The following ST8SIA4 variants were observed in gnomAD, a reference collection of about 807,000 sequenced individuals.
ST8SIA4 encodes ST8 alpha-N-acetyl-neuraminide alpha-2,8-sialyltransferase 4.
In ST8SIA4, 15 loss-of-function variants were observed where a neutral mutation model predicts 33.9. The ratio of observed to expected loss-of-function variants is 0.44; its 90% CI spans 0.30 to 0.68. ST8SIA4 has a LOEUF of 0.68. ST8SIA4 is among the 30% of genes least tolerant of loss of function. ST8SIA4 has a pLI of 0.10. For synonymous variants in ST8SIA4, 171 were observed against 151.2 expected, an observed-to-expected ratio of 1.13 and a Z score of -0.96; for missense variants, 321 against 428.0, an observed-to-expected ratio of 0.75 and a Z score of 2.21.
At chr5:100,834,921 C>A (rs1197538633) in intron 4 of ST8SIA4, among the ~76,000 whole-genome samples, 2 of 152,020 alleles carry the variant, frequency 1.3e-5, no homozygotes, top group African/African-American at 2.4e-5. Flanking sequence ...TATAAATTAC[C>A]CAGCCTCAGT....
At chr5:100,823,671 CA>C (rs1277993375) in intron 4 of ST8SIA4, among the ~76,000 whole-genome samples, 2 of 152,058 alleles carry the variant, frequency 1.3e-5, no homozygotes, top group Non-Finnish European at 2.9e-5. Context: ...AATGAAGAAA[CA>C]AAAAACTCCA....
At position 100,856,205 on chromosome 5, in the gene ST8SIA4, CCTT is replaced by C; in HGVS notation, c.692_694del (p.Lys231_Gly232delinsArg). 6.2e-7 allele frequency: 1 copy of C among 1,614,128 alleles called. No individual in the cohort carries two copies. Among genetic ancestry groups the C allele is most frequent in the Non-Finnish European group, 8.5e-7 (1 of 1,179,986 alleles). The stretch of plus-strand genomic sequence containing the variant: ...AACCCACTCCACGTGCTTCTCTCCT[CCTT>C]TGACCATGAAAGCAGGAATCCAAAG... On this transcript the variant is annotated inframe_deletion, in exon 4 of 5. Coordinates refer to ENST00000231461, the MANE Select transcript of ST8SIA4 (RefSeq NM_005668.6).
rs1486716772 is a variant in ST8SIA4 at position 100,810,262 on chromosome 5, T to A, written c.*1585A>T. 1 of 152,220 alleles carries A rather than the reference T, an allele frequency of 6.6e-6. No homozygotes were observed. Among genetic ancestry groups the A allele is most frequent in the Non-Finnish European group, 1.5e-5 (1 of 68,026 alleles). The allele number at this position is 152,220 out of a possible 1,614,324, so 9.4% of individuals were successfully genotyped here. On this transcript the variant is annotated 3_prime_UTR_variant, in exon 5 of 5. Transcript: ENST00000231461. ...TGAAGAACATATGTGATATTGTGACTAAATTTAACTACAGAAAATATCGGT... is the reference window on the plus strand; with the variant it reads ...TGAAGAACATATGTGATATTGTGACAAAATTTAACTACAGAAAATATCGGT...
chr5:100,855,524 C>A (rs1751795520), intron 4 of ST8SIA4, among the ~76,000 whole-genome samples: 1 of 152,266 alleles, frequency 6.6e-6, no homozygotes, highest in South Asian at 2.1e-4. Flanking sequence ...GCCTTTTGGT[C>A]ATTTGCCACT....
In ST8SIA4 at chr5:100,895,668, C is replaced by A; in HGVS notation, c.231G>T (p.Leu77Phe). 1 of 1,610,480 alleles carries A rather than the reference C, an allele frequency of 6.2e-7. No individual in the cohort carries two copies. Among genetic ancestry groups the A allele is most frequent in the South Asian group, 1.1e-5 (1 of 90,486 alleles). ...AAGAAACTCACCTTATCTCTAGGAC[C>A]AAAGAGGAATTGATTTTCCAACCTT... Reference protein sequence around the residue: ...NVEGWKINSSLVLEIRKNILR... With the variant: ...NVEGWKINSSFVLEIRKNILR... Residue 77 changes from leucine to phenylalanine, a missense_variant, in exon 2 of 5, where the codon TTG becomes TTT. Physicochemically the swap from Leu to Phe is conservative, Grantham distance 22 (BLOSUM62 0). Coordinates refer to ENST00000231461, the MANE Select transcript of ST8SIA4 (RefSeq NM_005668.6).
intron 1 of ST8SIA4, among the ~76,000 whole-genome samples, chr5:100,902,601 A>G (rs150866565): frequency 2.6e-5 from 4 of 152,286 alleles, no homozygotes; most frequent in African/African-American, 9.6e-5. Context: ...TTGGCGAGAG[A>G]GCACCCAGGG....
chr5:100,839,113 C>T (rs1751422052), intron 4 of ST8SIA4, among the ~76,000 whole-genome samples: 1 of 151,924 alleles, frequency 6.6e-6, no homozygotes, highest in Admixed American at 6.6e-5. Flanking sequence ...CAGGCATGAG[C>T]CACCACACCC....
chr5:100,902,198 A>C (rs1272085516), intron 1 of ST8SIA4, among the ~76,000 whole-genome samples: 1 of 152,234 alleles, frequency 6.6e-6, no homozygotes, highest in Non-Finnish European at 1.5e-5. Context: ...CAAACTAAAA[A>C]AAATAGCAGA....
At chr5:100,856,435 A>G (rs1751815268) in intron 3 of ST8SIA4, 39 bp from the exon 4 acceptor site, 1 of 1,546,192 alleles carries the variant, frequency 6.5e-7, no homozygotes, top group African/African-American at 1.4e-5. Flanking sequence ...TGAAAAAAAA[A>G]GAAATATTCA....
At position 100,825,062 on chromosome 5, in the gene ST8SIA4, A is replaced by G. The variant is rs79782825; in HGVS notation, c.798-12933T>C. On this transcript the variant is annotated intron_variant, in intron 4 of 4. Transcript: ENST00000231461. ...GGTGACAGTATGAGACTATCTCTAAAAAAGTAATAAAAATAAGAGATTTTA... is the reference window on the plus strand; with the variant it reads ...GGTGACAGTATGAGACTATCTCTAAGAAAGTAATAAAAATAAGAGATTTTA... Among the ~76,000 whole-genome samples the G allele has an allele frequency of 9.7e-3, 1,475 of 152,268 alleles. 20 individuals are homozygous for G. Among genetic ancestry groups the G allele is most frequent in the African/African-American group, 0.034 (1,415 of 41,540 alleles).
intron 3 of ST8SIA4, among the ~76,000 whole-genome samples, chr5:100,876,364 C>A (rs766145890): frequency 6.6e-6 from 1 of 152,062 alleles, no homozygotes; most frequent in Admixed American, 6.6e-5. Flanking sequence ...TTTCCTCAAG[C>A]AGGTGAGAAA....
intron 3 of ST8SIA4, among the ~76,000 whole-genome samples, chr5:100,883,380 T>A (rs1752470140): frequency 1.3e-5 from 2 of 152,216 alleles, no homozygotes; most frequent in Admixed American, 6.5e-5. Flanking sequence ...TCCCATTGTA[T>A]CTAAGCAGTA....
intron 4 of ST8SIA4, among the ~76,000 whole-genome samples, chr5:100,854,595 A>C (rs557418178): frequency 1.3e-5 from 2 of 150,172 alleles, no homozygotes; most frequent in Non-Finnish European, 2.9e-5. Context: ...AAAACAAAAC[A>C]AAACAAAACA....
chr5:100,812,231 A>C, intron 4 of ST8SIA4, 102 bp from the exon 5 acceptor site: 1 of 892,400 alleles, frequency 1.1e-6, no homozygotes. Context: ...AGGTATCTTT[A>C]TGAATAATAT....
chr5:100,821,917 A>C (rs1331306951), intron 4 of ST8SIA4, among the ~76,000 whole-genome samples: 2 of 152,170 alleles, frequency 1.3e-5, no homozygotes, highest in African/African-American at 4.8e-5. Context: ...TAAATTGAAC[A>C]CTCAGACAAG....
chr5:100,848,525 G>A (rs1751615744), intron 4 of ST8SIA4, among the ~76,000 whole-genome samples: 1 of 149,878 alleles, frequency 6.7e-6, no homozygotes. Context: ...TATAGAGACA[G>A]AGAAACAGCA....
chr5:100,815,391 ATAT>A (rs1030790039), intron 4 of ST8SIA4, among the ~76,000 whole-genome samples: 2 of 151,754 alleles, frequency 1.3e-5, no homozygotes, highest in African/African-American at 2.4e-5. Flanking sequence ...TTTATTTTTA[ATAT>A]TATTAATTTC....
At chr5:100,815,057 C>T (rs1005944555) in intron 4 of ST8SIA4, among the ~76,000 whole-genome samples, 6 of 151,912 alleles carry the variant, frequency 3.9e-5, no homozygotes, top group African/African-American at 4.8e-5. Context: ...TTCAGTATAA[C>T]ATGTTCCAGC....
chr5:100,895,539 T>C lies in ST8SIA4; in HGVS notation c.245+115A>G, dbSNP rs73777439. The C allele has an allele frequency of 1.5e-3, 1,487 of 1,015,086 alleles. 21 individuals are homozygous for C. The African/African-American group carries it at 0.021, about 15-fold the overall frequency. 62.9% of individuals were successfully genotyped at this position (1,015,086 alleles called of 1,614,324 possible). A position where few individuals can be genotyped will look rare whatever the true frequency, so the allele number is the denominator to read the frequency against. On this transcript the variant is annotated intron_variant, in intron 2 of 4. Transcript: ENST00000231461. ...ACATTAAATAGAGCTGGTTCATTCTTTTATTTAAGTATTCATACTTAAACC... is the reference window on the plus strand; with the variant it reads ...ACATTAAATAGAGCTGGTTCATTCTCTTATTTAAGTATTCATACTTAAACC...
Sources: allele counts gnomAD v4.1 joint callset (sites outside exome capture counted in the v4.1 genomes callset), GRCh38; gene constraint gnomAD v4.1.1; transcripts MANE v1.5; gene names NCBI Gene and HGNC (gene_info 2026-07-23, HGNC 2026-07-21).